Variants in CCDC110 observed in about 807,000 individuals in gnomAD.
CCDC110 encodes the protein coiled-coil domain-containing protein 110.
In CCDC110, 70 loss-of-function variants were observed where a neutral mutation model predicts 77.1. The ratio of observed to expected loss-of-function variants is 0.91; its 90% CI spans 0.75 to 1.11. The LOEUF (loss-of-function observed/expected upper bound fraction) is 1.11, where lower values mean the gene tolerates loss of function less well. Among genes scored for constraint, CCDC110 ranks in the 50% least tolerant of loss-of-function variants. CCDC110 has a pLI of 0.00. For synonymous variants in CCDC110, 295 were observed against 312.5 expected, an observed-to-expected ratio of 0.94 and a Z score of 0.59; for missense variants, 868 against 942.9, an observed-to-expected ratio of 0.92 and a Z score of 1.04.
Position 185,468,840 on chromosome 4 carries a change from T to C in CCDC110, c.115+2105A>G, listed in dbSNP as rs1048022138. 6.6e-6 allele frequency among the ~76,000 whole-genome samples: 1 copy of C among 152,204 alleles called. No homozygotes were observed. The highest frequency in any genetic ancestry group is 1.5e-5 in the Non-Finnish European group (1 of 68,038). On this transcript the variant is annotated intron_variant, in intron 2 of 6. Coordinates refer to ENST00000307588, the MANE Select transcript of CCDC110 (RefSeq NM_152775.4). This position sits in a 1 kb window ranked among gnomAD's most constrained non-coding sequence, Gnocchi z 4.5. ...CCGCTTACACACAATAGCCTTTGTCTGTCTGTTCCCTCACTAGAAGGTAAG... is the reference window on the plus strand; with the variant it reads ...CCGCTTACACACAATAGCCTTTGTCCGTCTGTTCCCTCACTAGAAGGTAAG...
intron 6 of CCDC110, among the ~76,000 whole-genome samples, chr4:185,455,991 A>G (rs1014119727): frequency 1.3e-5 from 2 of 152,196 alleles, no homozygotes; most frequent in African/African-American, 4.8e-5. Context: ...TAACTGTTAG[A>G]ACAAGCAGAC....
At chr4:185,471,499 C>G (rs933838556) in intron 1 of CCDC110, 175 bp downstream of exon 1, 2 of 631,574 alleles carry the variant, frequency 3.2e-6, no homozygotes, top group South Asian at 5.0e-5. Flanking sequence ...ACAGCGGACG[C>G]AGGGGGCCGC....
intron 2 of CCDC110, among the ~76,000 whole-genome samples, chr4:185,469,004 G>A (rs959245448): frequency 1.3e-5 from 2 of 152,134 alleles, no homozygotes; most frequent in African/African-American, 2.4e-5. Context: ...GGTACAACAG[G>A]GTGCTGGGAA....
chr4:185,466,340 A>C (rs1034995581), intron 2 of CCDC110, among the ~76,000 whole-genome samples: 1 of 152,082 alleles, frequency 6.6e-6, no homozygotes, highest in African/African-American at 2.4e-5. Context: ...GTGCCACTGC[A>C]CTCCAGCCTG....
chr4:185,448,569 T>G (rs1378697074), intron 6 of CCDC110, among the ~76,000 whole-genome samples: 7 of 152,142 alleles, frequency 4.6e-5, no homozygotes, highest in Non-Finnish European at 8.8e-5. Flanking sequence ...TTAGGGTAAA[T>G]GTATGTAATT....
chr4:185,449,094 A>G (rs1580163244), intron 6 of CCDC110, among the ~76,000 whole-genome samples: 1 of 152,246 alleles, frequency 6.6e-6, no homozygotes, highest in South Asian at 2.1e-4. Flanking sequence ...TCCTTCTTAA[A>G]TTGTATCTTC....
At chr4:185,454,610 AGGC>A (rs1206616066) in intron 6 of CCDC110, among the ~76,000 whole-genome samples, 1 of 151,802 alleles carries the variant, frequency 6.6e-6, no homozygotes, top group African/African-American at 2.4e-5. Context: ...GCTACTCAGG[AGGC>A]TGAAGCAGGA....
In CCDC110 at chr4:185,458,812, G is replaced by GT. The variant is rs368765497; in HGVS notation, c.1774dup (p.Thr592AsnfsTer14). 3 of 1,606,382 alleles carry GT rather than the reference G, an allele frequency of 1.9e-6. No individual in the cohort carries two copies. The highest frequency in any genetic ancestry group is 1.7e-5 in the Admixed American group (1 of 58,892). ...GCTTTTTTCTTTTAGAAGCTGGTGT[G>GT]TTTTTTTCTCTAACATTTCTTTTTC... On this transcript the variant is annotated frameshift_variant, in exon 6 of 7. Coordinates refer to ENST00000307588, the MANE Select transcript of CCDC110 (RefSeq NM_152775.4). LOFTEE classifies it high-confidence loss of function.
At chr4:185,448,922 T>C (rs2095622972) in intron 6 of CCDC110, among the ~76,000 whole-genome samples, 1 of 152,138 alleles carries the variant, frequency 6.6e-6, no homozygotes, top group Admixed American at 6.5e-5. Context: ...AAAATCTGAA[T>C]TTTATCTTCC....
chr4:185,454,227 G>A (rs1580173368), intron 6 of CCDC110, among the ~76,000 whole-genome samples: 1 of 152,100 alleles, frequency 6.6e-6, no homozygotes, highest in African/African-American at 2.4e-5. Context: ...TAGAACGCAC[G>A]TTACTTTACA....
chr4:185,445,618 C>A, intron 6 of CCDC110, 76 bp from the exon 7 acceptor site: 3 of 957,506 alleles, frequency 3.1e-6, no homozygotes, highest in East Asian at 2.5e-5. Flanking sequence ...AGTATATTAT[C>A]AAGGTATCTT....
At chr4:185,457,757 T>A in intron 6 of CCDC110, 1 of 1,419,436 alleles carries the variant, frequency 7.0e-7, no homozygotes, top group Non-Finnish European at 9.3e-7. Context: ...AAACATTGAT[T>A]TTAGCAGTTT....
intron 6 of CCDC110, chr4:185,449,717 AAT>A: frequency 1.9e-6 from 2 of 1,051,676 alleles, no homozygotes; most frequent in Non-Finnish European, 2.7e-6. Flanking sequence ...TATTTGAAAA[AAT>A]ATAAGATGTT....
At position 185,445,555 on chromosome 4, in the gene CCDC110, A is replaced by T. The variant is rs755480085; in HGVS notation, c.2462-13T>A. The stretch of plus-strand genomic sequence containing the variant: ...ACTTTGAAATAACCTATGAAAATAG[A>T]AAATATTCTGGTTAATTAAAAATGC... On this transcript the variant is annotated splice_polypyrimidine_tract_variant and intron_variant, in intron 6 of 6. Coordinates refer to ENST00000307588, the MANE Select transcript of CCDC110 (RefSeq NM_152775.4). 6.7e-7 allele frequency: 1 copy of T among 1,484,742 alleles called. No individual in the cohort carries two copies. The highest frequency in any genetic ancestry group is 1.4e-5 in the African/African-American group (1 of 71,474). The allele number at this position is 1,484,742 out of a possible 1,614,324, so 92.0% of individuals were successfully genotyped here. A position where few individuals can be genotyped will look rare whatever the true frequency, so the allele number is the denominator to read the frequency against.
chr4:185,455,609 C>A (rs945626973), intron 6 of CCDC110, among the ~76,000 whole-genome samples: 4 of 152,150 alleles, frequency 2.6e-5, no homozygotes, highest in East Asian at 1.9e-4. Flanking sequence ...TTTGGCCAGG[C>A]GCGGTGGCTT....
chr4:185,459,274 G>T lies in CCDC110; in HGVS notation c.1313C>A (p.Ser438Tyr). The change falls in exon 6 of 7, where the codon TCT (serine) becomes TAT (tyrosine). Residue 438 changes from serine to tyrosine, a missense_variant. Physicochemically the swap from Ser to Tyr is moderately radical, Grantham distance 144. Transcript: ENST00000307588. ...CATTACTTTTTTCTGTATCTGCACA[G>T]ATTCTTTTAGGTAATTCTGTAAGTA... is the stretch of plus-strand genomic sequence containing the variant. ...IQYLQNYLKE[S>Y]VQIQKKVMEL... The T allele has an allele frequency of 1.2e-6, 2 of 1,613,176 alleles. No individual in the cohort carries two copies. Among genetic ancestry groups the T allele is most frequent in the Non-Finnish European group, 1.7e-6 (2 of 1,179,556 alleles).
chr4:185,450,803 T>C (rs902309212), intron 6 of CCDC110, among the ~76,000 whole-genome samples: 4 of 151,786 alleles, frequency 2.6e-5, no homozygotes, highest in Non-Finnish European at 5.9e-5. Context: ...CTGTAATTCA[T>C]AGTGAGGTAT....
At chr4:185,451,478 G>A (rs772874951) in intron 6 of CCDC110, among the ~76,000 whole-genome samples, 3 of 152,112 alleles carry the variant, frequency 2.0e-5, no homozygotes, top group Non-Finnish European at 4.4e-5. Flanking sequence ...TTACAATTAA[G>A]GTTTTAAAGG....
At chr4:185,466,248 G>GCA (rs2095655744) in intron 2 of CCDC110, among the ~76,000 whole-genome samples, 1 of 152,094 alleles carries the variant, frequency 6.6e-6, no homozygotes, top group Non-Finnish European at 1.5e-5. Flanking sequence ...GGTGGCATGT[G>GCA]CCTGTAATCC....
Sources: gnomAD v4.1 joint callset for allele counts (sites outside exome capture counted in the v4.1 genomes callset) on GRCh38, gnomAD v4.1.1 for gene constraint, Gnocchi (gnomAD v3.1) non-coding constraint, MANE v1.5 for transcripts, NCBI Gene and HGNC (gene_info 2026-07-23, HGNC 2026-07-21) for gene names.